Variants in NUDCD3 observed in about 807,000 individuals in gnomAD.
NUDCD3 encodes the protein NudC domain containing 3.
NUDCD3 carries 13 observed loss-of-function variants against 39.7 expected under a neutral mutation model. The observed-to-expected ratio is 0.33, with a 90% CI of 0.21 to 0.52. The LOEUF (loss-of-function observed/expected upper bound fraction) is 0.52. Among genes scored for constraint, NUDCD3 ranks in the 20% least tolerant of loss-of-function variants. NUDCD3 has a pLI of 0.96. For synonymous variants in NUDCD3, 175 were observed against 172.4 expected (o/e 1.02, Z -0.12); for missense variants, 453 against 458.1 (o/e 0.99, Z 0.10).
intron 2 of NUDCD3, among the ~76,000 whole-genome samples, chr7:44,450,180 T>A (rs1018962252): frequency 1.0e-4 from 13 of 126,042 alleles, no homozygotes; most frequent in East Asian, 4.1e-4. Flanking sequence ...GAATGTCTAA[T>A]TTTTTTTTTT....
intron 3 of NUDCD3, among the ~76,000 whole-genome samples, chr7:44,406,466 C>T (rs925774816): frequency 6.6e-6 from 1 of 152,204 alleles, no homozygotes; most frequent in Non-Finnish European, 1.5e-5. Flanking sequence ...TAACCATGAA[C>T]TTGTGTGCAA....
At chr7:44,474,524 A>G (rs1284321395) in intron 2 of NUDCD3, among the ~76,000 whole-genome samples, 1 of 152,146 alleles carries the variant, frequency 6.6e-6, no homozygotes, top group Non-Finnish European at 1.5e-5. Flanking sequence ...TTTCCAGGGG[A>G]AAAACTCCAC....
intron 4 of NUDCD3, among the ~76,000 whole-genome samples, chr7:44,401,067 C>T (rs761224701): frequency 1.1e-4 from 16 of 152,092 alleles, no homozygotes; most frequent in East Asian, 1.9e-4. Context: ...CTTGTTTGAA[C>T]GGTGAGAAAT....
intron 2 of NUDCD3, among the ~76,000 whole-genome samples, chr7:44,444,193 CCTT>C (rs1414910005): frequency 6.6e-6 from 1 of 152,158 alleles, no homozygotes; most frequent in African/African-American, 2.4e-5. Context: ...GCCACTTTAA[CCTT>C]CTCATCTCAC....
intron 2 of NUDCD3, among the ~76,000 whole-genome samples, chr7:44,457,437 T>C (rs1042520254): frequency 2.6e-5 from 4 of 152,208 alleles, no homozygotes; most frequent in African/African-American, 9.6e-5. Flanking sequence ...CTAAAAACTA[T>C]GCATTAATAA....
intron 5 of NUDCD3, 36 bp downstream of exon 5, chr7:44,392,261 T>C: frequency 1.2e-6 from 2 of 1,601,008 alleles, no homozygotes; most frequent in Non-Finnish European, 1.7e-6. Flanking sequence ...CACAAGGGCC[T>C]AAAGGGTGGA....
At chr7:44,402,840 C>T (rs1798750738) in intron 4 of NUDCD3, 1 of 361,620 alleles carries the variant, frequency 2.8e-6, no homozygotes, top group African/African-American at 2.1e-5. Flanking sequence ...AGGGCTGCAC[C>T]TTCAGAGGGC....
chr7:44,411,808 G>A (rs917645562), intron 3 of NUDCD3, among the ~76,000 whole-genome samples: 3 of 152,244 alleles, frequency 2.0e-5, no homozygotes, highest in Admixed American at 1.3e-4. Context: ...CCCTAGTGGT[G>A]AAGACAGAAA....
intron 5 of NUDCD3, among the ~76,000 whole-genome samples, chr7:44,387,815 C>A (rs1798427583): frequency 6.6e-6 from 1 of 152,184 alleles, no homozygotes; most frequent in South Asian, 2.1e-4. Flanking sequence ...AGCAGGCATT[C>A]CTGTGTGTCA....
intron 2 of NUDCD3, among the ~76,000 whole-genome samples, chr7:44,429,129 A>C (rs996527208): frequency 6.6e-6 from 1 of 152,202 alleles, no homozygotes; most frequent in African/African-American, 2.4e-5. Flanking sequence ...TGCCCTGCAC[A>C]CTGTCTATGC....
intron 2 of NUDCD3, among the ~76,000 whole-genome samples, chr7:44,476,961 T>C (rs1186566501): frequency 6.6e-6 from 1 of 152,158 alleles, no homozygotes; most frequent in Non-Finnish European, 1.5e-5. Context: ...AGCCTGATGA[T>C]GATGATGAAG....
chr7:44,485,263 T>C lies in NUDCD3; in HGVS notation c.214A>G (p.Met72Val), dbSNP rs757931682. ...CTCTTCTCATCATCCTGACGGGCCA[T>C]GTGGTCAAAGGTTTTGAATACCTAA... ...VLQVFKTFDH[M>V]ARQDDEKRRQ... The change falls in exon 2 of 6, where the codon ATG becomes GTG. Residue 72 changes from methionine (M) to valine (V), a missense_variant. By Grantham distance (21) the Met-to-Val change is conservative. Coordinates refer to ENST00000355451, the MANE Select transcript of NUDCD3 (RefSeq NM_015332.4). 4 of 1,612,932 alleles carry C rather than the reference T, an allele frequency of 2.5e-6. No individual in the cohort carries two copies. Among genetic ancestry groups the C allele is most frequent in the Admixed American group, 1.7e-5 (1 of 59,896 alleles).
In NUDCD3 at chr7:44,490,455, T is replaced by C; in HGVS notation, c.146A>G (p.Asp49Gly). The change falls in exon 1 of 6, where the codon GAC becomes GGC. Residue 49 changes from aspartate to glycine, a missense_variant. Physicochemically the swap from Asp to Gly is moderately conservative, Grantham distance 94 (BLOSUM62 -1). Transcript: ENST00000355451. ...DFYRLLRHPS[D>G]RMGFPPGAAQ... is the part of the protein sequence containing the mutation. ...GGCCCCGGGCGGGAAGCCCATGCGG[T>C]CCGATGGGTGGCGCAGCAAGCGATA... The C allele has an allele frequency of 6.3e-7, 1 of 1,595,510 alleles. No homozygotes were observed. The highest frequency in any genetic ancestry group is 8.5e-7 in the Non-Finnish European group (1 of 1,172,556).
At chr7:44,388,919 C>T (rs1200804782) in intron 5 of NUDCD3, among the ~76,000 whole-genome samples, 7 of 152,264 alleles carry the variant, frequency 4.6e-5, no homozygotes. Flanking sequence ...TTCCACTGGA[C>T]CACAGCATCT....
chr7:44,388,778 C>G (rs938174085), intron 5 of NUDCD3, among the ~76,000 whole-genome samples: 3 of 152,232 alleles, frequency 2.0e-5, no homozygotes, highest in African/African-American at 7.2e-5. Context: ...CAGCCCTGGG[C>G]TCCTGCATGT....
At chr7:44,439,044 G>A (rs1799521302) in intron 2 of NUDCD3, among the ~76,000 whole-genome samples, 1 of 152,214 alleles carries the variant, frequency 6.6e-6, no homozygotes. Context: ...GCAATTACAA[G>A]CAGTGCATGA....
intron 2 of NUDCD3, chr7:44,468,348 G>GAAAAAAAAAAA: frequency 3.3e-6 from 1 of 305,488 alleles, no homozygotes; most frequent in Non-Finnish European, 4.7e-6. Context: ...TGTAAAAACT[G>GAAAAAAAAAAA]CAAAAAAAAA....
At chr7:44,446,106 CAT>C (rs1293518965) in intron 2 of NUDCD3, among the ~76,000 whole-genome samples, 1 of 152,226 alleles carries the variant, frequency 6.6e-6, no homozygotes, top group African/African-American at 2.4e-5. Flanking sequence ...CCAATTGACA[CAT>C]GAGGCTGGAC....
At position 44,384,375 on chromosome 7, in the gene NUDCD3, G is replaced by A. The variant is rs1433735588; in HGVS notation, c.*1636C>T. On this transcript the variant is annotated 3_prime_UTR_variant, in exon 6 of 6. Transcript: ENST00000355451. ...GACAAGAATTCTGCTCCCCAGGGTCGAGATCTCTTTAGAGGGGCTTCACCA... is the reference window on the plus strand; with the variant it reads ...GACAAGAATTCTGCTCCCCAGGGTCAAGATCTCTTTAGAGGGGCTTCACCA... 6.6e-6 allele frequency: 1 copy of A among 152,188 alleles called. No homozygotes were observed. Among genetic ancestry groups the A allele is most frequent in the Admixed American group, 6.5e-5 (1 of 15,286 alleles). The allele number at this position is 152,188 out of a possible 1,614,324, so 9.4% of individuals were successfully genotyped here. A position where few individuals can be genotyped will look rare whatever the true frequency, so the allele number is the denominator to read the frequency against.
Sources: allele counts gnomAD v4.1 joint callset (sites outside exome capture counted in the v4.1 genomes callset), GRCh38; gene constraint gnomAD v4.1.1; transcripts MANE v1.5; gene names NCBI Gene and HGNC (gene_info 2026-07-23, HGNC 2026-07-21).